TENM3: variants seen among roughly 807,000 people sequenced by gnomAD.
TENM3 encodes the protein teneurin-3.
Under a neutral mutation model 255.1 loss-of-function variants are expected in TENM3, and 63 were observed. That is an observed-to-expected ratio of 0.25 (90% CI 0.20 to 0.30). The LOEUF (loss-of-function observed/expected upper bound fraction) is 0.30. TENM3 is among the 10% of genes least tolerant of loss of function. The pLI is 1.00. For missense variants in TENM3, 2,929 were observed against 3,461.1 expected, an observed-to-expected ratio of 0.85 and a Z score of 3.86; for synonymous variants, 1,306 against 1,322.3, an observed-to-expected ratio of 0.99 and a Z score of 0.27.
chr4:182,473,825 G>T (rs1425547563), intron 3 of TENM3, among the ~76,000 whole-genome samples: 1 of 151,888 alleles, frequency 6.6e-6, no homozygotes, highest in Non-Finnish European at 1.5e-5. Context: ...AAGGTATGTT[G>T]GCACCACCTG....
chr4:182,614,728 C>T (rs1341766410), intron 4 of TENM3, among the ~76,000 whole-genome samples: 2 of 152,098 alleles, frequency 1.3e-5, no homozygotes, highest in South Asian at 2.1e-4. Context: ...CACACACTCT[C>T]GAAAGCATGT....
intron 3 of TENM3, among the ~76,000 whole-genome samples, chr4:182,540,457 C>T (rs966584375): frequency 5.3e-5 from 8 of 152,090 alleles, no homozygotes; most frequent in Admixed American, 1.3e-4. Context: ...GGCATGGTGG[C>T]GCATGCCTGT....
At chr4:182,548,074 A>T (rs1741627629) in intron 3 of TENM3, among the ~76,000 whole-genome samples, 1 of 151,990 alleles carries the variant, frequency 6.6e-6, no homozygotes, top group South Asian at 2.1e-4. Flanking sequence ...ATATAAAAAA[A>T]TTAGCCACGC....
intron 3 of TENM3, among the ~76,000 whole-genome samples, chr4:182,411,663 G>A (rs1267377843): frequency 6.6e-6 from 1 of 152,118 alleles, no homozygotes; most frequent in East Asian, 1.9e-4. Context: ...GGAGGGGAGG[G>A]GCGTGGAACT....
chr4:182,514,101 G>C (rs946578448), intron 3 of TENM3, among the ~76,000 whole-genome samples: 1 of 152,226 alleles, frequency 6.6e-6, no homozygotes, highest in Non-Finnish European at 1.5e-5. Flanking sequence ...CTTGGGAACC[G>C]TGAGTAACAA....
rs1764576030 is a variant in TENM3 at position 182,775,122 on chromosome 4, G to A, written c.5273G>A (p.Gly1758Glu). ...EWRFRKEQAQGKVNVFGRKLR... is the reference protein window; with the variant it reads ...EWRFRKEQAQEKVNVFGRKLR... The stretch of plus-strand genomic sequence containing the variant: ...AGATTCCGAAAAGAGCAAGCCCAAG[G>A]GAAAGTCAATGTCTTTGGCCGCAAG... The change falls in exon 24 of 28, where the codon GGG becomes GAG. Residue 1758 changes from glycine (G) to glutamate (E), a missense_variant. Gly to Glu is a moderately conservative substitution (Grantham distance 98). Coordinates refer to ENST00000511685, the MANE Select transcript of TENM3 (RefSeq NM_001080477.4). 1 of 1,613,886 alleles carries A rather than the reference G, an allele frequency of 6.2e-7. No homozygotes were observed. The highest frequency in any genetic ancestry group is 1.7e-5 in the Admixed American group (1 of 60,006).
the TENM3 span, among the ~76,000 whole-genome samples, chr4:182,076,956 A>G: frequency 6.6e-6 from 1 of 152,182 alleles, no homozygotes; most frequent in Non-Finnish European, 1.5e-5. Flanking sequence ...CTATTATTAT[A>G]TAATAGATAA....
chr4:182,571,740 C>T (rs1744397018), intron 3 of TENM3, among the ~76,000 whole-genome samples: 1 of 152,026 alleles, frequency 6.6e-6, no homozygotes, highest in Non-Finnish European at 1.5e-5. Flanking sequence ...ATATAAGAAA[C>T]CATTGGTATG....
the TENM3 span, among the ~76,000 whole-genome samples, chr4:181,605,888 C>G: frequency 6.6e-6 from 1 of 152,096 alleles, no homozygotes; most frequent in African/African-American, 2.4e-5. Flanking sequence ...GATTTTTCCT[C>G]GGGGCAATTT....
the TENM3 span, among the ~76,000 whole-genome samples, chr4:181,538,705 T>A: frequency 5.9e-5 from 9 of 152,276 alleles, no homozygotes; most frequent in South Asian, 2.1e-4. Flanking sequence ...CACAAGGTAA[T>A]AAAAAATGCA....
intron 3 of TENM3, among the ~76,000 whole-genome samples, chr4:182,529,082 A>G (rs1739518375): frequency 6.6e-6 from 1 of 152,250 alleles, no homozygotes; most frequent in Admixed American, 6.5e-5. Flanking sequence ...ACTTTGGCTT[A>G]TGAACTTGTC....
chr4:182,573,689 G>A (rs1210140679), intron 3 of TENM3, among the ~76,000 whole-genome samples: 2 of 152,198 alleles, frequency 1.3e-5, no homozygotes, highest in African/African-American at 4.8e-5. Flanking sequence ...GTGGGTACTA[G>A]AGAGACAGAG....
At chr4:181,611,442 T>C in the TENM3 span, among the ~76,000 whole-genome samples, 8 of 152,142 alleles carry the variant, frequency 5.3e-5, no homozygotes, top group African/African-American at 1.9e-4. Context: ...CTCTTCTGCG[T>C]TTTTTCTTTT....
At chr4:181,467,840 T>G in the TENM3 span, among the ~76,000 whole-genome samples, 4 of 152,324 alleles carry the variant, frequency 2.6e-5, no homozygotes, top group South Asian at 8.3e-4. Context: ...ACAATAAAAG[T>G]TGTCTTTCAA....
chr4:182,618,212 A>T (rs1378896779), intron 4 of TENM3, among the ~76,000 whole-genome samples: 1 of 152,132 alleles, frequency 6.6e-6, no homozygotes, highest in African/African-American at 2.4e-5. Context: ...AAATGACTCA[A>T]ACCACTTGGA....
the TENM3 span, among the ~76,000 whole-genome samples, chr4:181,466,723 A>T: frequency 6.6e-6 from 1 of 152,114 alleles, no homozygotes; most frequent in Non-Finnish European, 1.5e-5. Flanking sequence ...GAGACAGAAC[A>T]TGTTACTACA....
chr4:181,863,432 G>A, the TENM3 span, among the ~76,000 whole-genome samples: 1 of 152,128 alleles, frequency 6.6e-6, no homozygotes, highest in East Asian at 1.9e-4. Context: ...GGACAAATAG[G>A]AAATGTAATG....
At chr4:182,079,448 A>G in the TENM3 span, among the ~76,000 whole-genome samples, 4,385 of 152,148 alleles carry the variant, frequency 0.029, 94 homozygotes, top group Non-Finnish European at 0.043. Flanking sequence ...CCCAGGAGGC[A>G]GAGCTTGCAG....
the TENM3 span, among the ~76,000 whole-genome samples, chr4:181,701,576 T>A: frequency 9.6e-6 from 1 of 104,548 alleles, no homozygotes; most frequent in African/African-American, 2.9e-5. Flanking sequence ...CAGTCTGAAA[T>A]AAATCAGTTT....
Sources: allele counts gnomAD v4.1 joint callset (sites outside exome capture counted in the v4.1 genomes callset), GRCh38; gene constraint gnomAD v4.1.1; transcripts MANE v1.5; gene names NCBI Gene and HGNC (gene_info 2026-07-23, HGNC 2026-07-21).